The following ADAMTS12 variants were observed in gnomAD, a reference collection of about 807,000 sequenced individuals.
The protein encoded by ADAMTS12 is ADAM metallopeptidase with thrombospondin type 1 motif 12, also known as A disintegrin and metalloproteinase with thrombospondin motifs 12.
A neutral mutation model predicts 167.8 loss-of-function variants in ADAMTS12; 118 were observed. The ratio of observed to expected loss-of-function variants is 0.70; its 90% confidence interval spans 0.61 to 0.82. ADAMTS12 has a LOEUF of 0.82. Among genes scored for constraint, ADAMTS12 ranks in the 40% least tolerant of loss-of-function variants. The pLI, the probability that ADAMTS12 is intolerant of heterozygous loss-of-function variation, is 0.00. For missense variants in ADAMTS12, 1,916 were observed against 1,998.8 expected (o/e 0.96, Z 0.79); for synonymous variants, 704 against 716.9 (o/e 0.98, Z 0.29).
At position 33,721,096 on chromosome 5, in the gene ADAMTS12, G is replaced by A. The variant is rs76134465; in HGVS notation, c.634+30308C>T. On this transcript the variant is annotated intron_variant, in intron 3 of 23. Coordinates refer to ENST00000504830, the MANE Select transcript of ADAMTS12 (RefSeq NM_030955.4). Reference sequence around the variant, plus strand: ...GTATGGATGCACTCGCCAATGTAATGTGACAGAAAAAAGCCAGACACGAGA... The same window carrying A: ...GTATGGATGCACTCGCCAATGTAATATGACAGAAAAAAGCCAGACACGAGA... 3.5e-3 allele frequency among the ~76,000 whole-genome samples: 537 copies of A among 152,296 alleles called. 6 individuals are homozygous for A. The highest frequency in any genetic ancestry group is 0.024 in the Admixed American group (365 of 15,296).
rs879440613 is a variant in ADAMTS12 at position 33,676,707 on chromosome 5, C to CACACACACACAGAGAG, written c.915+6310_915+6311insCTCTCTGTGTGTGTGT. ...TTACACACACACACACACACACACA[C>CACACACACACAGAGAG]AGAGAGAGAGAGAGAGAGAGAGAAT... On this transcript the variant is annotated intron_variant, in intron 5 of 23. Coordinates refer to ENST00000504830, the MANE Select transcript of ADAMTS12 (RefSeq NM_030955.4). 1.3e-3 allele frequency among the ~76,000 whole-genome samples: 194 copies of CACACACACACAGAGAG among 149,122 alleles called. 1 individual carries two copies. The highest frequency in any genetic ancestry group is 4.8e-3 in the African/African-American group (191 of 39,966).
intron 12 of ADAMTS12, among the ~76,000 whole-genome samples, chr5:33,632,684 C>A (rs981917654): frequency 2.6e-5 from 4 of 152,172 alleles, no homozygotes; most frequent in African/African-American, 7.2e-5. Flanking sequence ...GGGAACAATT[C>A]TATTCTCCTA....
chr5:33,891,881 A>G lies in ADAMTS12; in HGVS notation c.-25T>C. ...TGATTCAGATGTTGAGGAGAAGAAA[A>G]GTCAAAAAAGTTTTAGCCCTCAGCT... is the stretch of plus-strand genomic sequence containing the variant. On this transcript the variant is annotated 5_prime_UTR_variant, in exon 1 of 24. Coordinates refer to ENST00000504830, the MANE Select transcript of ADAMTS12 (RefSeq NM_030955.4). The G allele has an allele frequency of 6.2e-7, 1 of 1,605,756 alleles. No individual in the cohort carries two copies. The highest frequency in any genetic ancestry group is 8.5e-7 in the Non-Finnish European group (1 of 1,176,476).
chr5:33,736,892 C>A (rs1359226487), intron 3 of ADAMTS12, among the ~76,000 whole-genome samples: 1 of 152,184 alleles, frequency 6.6e-6, no homozygotes, highest in African/African-American at 2.4e-5. Flanking sequence ...AAGTTCTAAA[C>A]AGACTGTCAG....
intron 2 of ADAMTS12, among the ~76,000 whole-genome samples, chr5:33,866,944 A>G (rs552495693): frequency 1.3e-5 from 2 of 152,118 alleles, no homozygotes; most frequent in Non-Finnish European, 2.9e-5. Context: ...AAAAAAATAA[A>G]TAAATAAATG....
chr5:33,703,451 A>G (rs753881595), intron 3 of ADAMTS12, among the ~76,000 whole-genome samples: 2 of 152,194 alleles, frequency 1.3e-5, no homozygotes, highest in East Asian at 1.9e-4. Flanking sequence ...GTTTAAGTAT[A>G]TAATAGAGTA....
chr5:33,833,159 T>C (rs1748370700), intron 2 of ADAMTS12, among the ~76,000 whole-genome samples: 1 of 152,240 alleles, frequency 6.6e-6, no homozygotes, highest in South Asian at 2.1e-4. Context: ...ATGGTGATGA[T>C]GTGAAGGCAG....
intron 13 of ADAMTS12, among the ~76,000 whole-genome samples, chr5:33,626,310 ATGG>A (rs1052458133): frequency 1.1e-4 from 16 of 144,796 alleles, no homozygotes; most frequent in Admixed American, 9.6e-4. Context: ...CTGCGGGGTA[ATGG>A]TGGCAGTGAT....
intron 4 of ADAMTS12, among the ~76,000 whole-genome samples, chr5:33,683,497 T>A (rs1742204824): frequency 6.6e-6 from 1 of 152,234 alleles, no homozygotes. Context: ...ATTCCAATTC[T>A]ATTTCTAACT....
At chr5:33,808,608 A>C (rs1747329441) in intron 2 of ADAMTS12, among the ~76,000 whole-genome samples, 1 of 152,250 alleles carries the variant, frequency 6.6e-6, no homozygotes, top group South Asian at 2.1e-4. Context: ...GAAATCGAAT[A>C]GAAGATATCA....
intron 23 of ADAMTS12, among the ~76,000 whole-genome samples, chr5:33,532,793 C>A (rs1744182620): frequency 6.6e-6 from 1 of 152,086 alleles, no homozygotes; most frequent in African/African-American, 2.4e-5. Context: ...TATATGAATT[C>A]ATACCTGATA....
chr5:33,565,293 C>A (rs1216806586), intron 19 of ADAMTS12, among the ~76,000 whole-genome samples: 1 of 152,156 alleles, frequency 6.6e-6, no homozygotes, highest in Non-Finnish European at 1.5e-5. Flanking sequence ...GTAGCTGGAA[C>A]TACAGGCATG....
At chr5:33,751,186 G>C in intron 3 of ADAMTS12, 1 of 557,812 alleles carries the variant, frequency 1.8e-6, no homozygotes, top group Non-Finnish European at 3.1e-6. Context: ...AATATGCAGA[G>C]ACTCGAGTAT....
chr5:33,558,268 A>C (rs1466658966), intron 20 of ADAMTS12, among the ~76,000 whole-genome samples: 1 of 152,154 alleles, frequency 6.6e-6, no homozygotes, highest in Non-Finnish European at 1.5e-5. Context: ...GAAAAAACAA[A>C]AATCAGGGCA....
intron 2 of ADAMTS12, among the ~76,000 whole-genome samples, chr5:33,806,748 C>T (rs968636141): frequency 6.6e-6 from 1 of 152,134 alleles, no homozygotes; most frequent in Non-Finnish European, 1.5e-5. Context: ...GTTTACATTT[C>T]TTTTAAGAAA....
At chr5:33,810,144 C>T (rs1747398826) in intron 2 of ADAMTS12, among the ~76,000 whole-genome samples, 1 of 152,210 alleles carries the variant, frequency 6.6e-6, no homozygotes, top group African/African-American at 2.4e-5. Context: ...CTGGCCAAAA[C>T]ATAATGCATT....
chr5:33,843,533 G>A (rs1748826764), intron 2 of ADAMTS12, among the ~76,000 whole-genome samples: 1 of 152,180 alleles, frequency 6.6e-6, no homozygotes, highest in African/African-American at 2.4e-5. Flanking sequence ...ATCAAAAACA[G>A]GGAGACTGAT....
Position 33,881,478 on chromosome 5 carries a change from GCT to G in ADAMTS12, c.128_129del (p.Glu43AlafsTer62), listed in dbSNP as rs769170766. ...TATTCTGGCAGGCCCTTGATAAAAT[GCT>G]CTGAAAGAAAAGGAGAAATGGAAGA... ...GPVRFPDRRQEHFIKGLPEYH... is the reference protein window; with the variant it reads ...GPVRFPDRRQXHFIKGLPEYH... On this transcript the variant is annotated frameshift_variant and splice_region_variant, in exon 2 of 24. Transcript: ENST00000504830. LOFTEE classifies it high-confidence loss of function. 2.7e-4 allele frequency: 437 copies of G among 1,609,656 alleles called. No homozygotes were observed. The highest frequency in any genetic ancestry group is 5.3e-4 in the Admixed American group (32 of 59,908).
chr5:33,691,896 A>G (rs1390852159), intron 3 of ADAMTS12, among the ~76,000 whole-genome samples: 1 of 152,258 alleles, frequency 6.6e-6, no homozygotes, highest in Non-Finnish European at 1.5e-5. Context: ...CCTAAGAAGA[A>G]AAAATGAATT....
Sources: allele counts gnomAD v4.1 joint callset (sites outside exome capture counted in the v4.1 genomes callset), GRCh38; gene constraint gnomAD v4.1.1; transcripts MANE v1.5; gene names NCBI Gene and HGNC (gene_info 2026-07-23, HGNC 2026-07-21).